The following ARHGEF28 variants were observed in gnomAD, a reference collection of about 807,000 sequenced individuals.
ARHGEF28 encodes the protein Rho guanine nucleotide exchange factor 28, also known as 190 kDa guanine nucleotide exchange factor.
A neutral mutation model predicts 206.6 loss-of-function variants in ARHGEF28; 152 were observed. The ratio of observed to expected loss-of-function variants is 0.74; its 90% CI spans 0.64 to 0.84. The LOEUF (loss-of-function observed/expected upper bound fraction) is 0.84. ARHGEF28 is among the 40% of genes least tolerant of loss of function. The probability of loss-of-function intolerance (pLI) is 0.00; values close to 1 mark genes in which losing one functional copy is unlikely to be tolerated. For synonymous variants in ARHGEF28, 763 were observed against 776.4 expected (o/e 0.98, Z 0.29); for missense variants, 2,028 against 2,073.2 (o/e 0.98, Z 0.42).
chr5:73,916,492 C>A (rs533757736), intron 35 of ARHGEF28, among the ~76,000 whole-genome samples: 1 of 152,118 alleles, frequency 6.6e-6, no homozygotes, highest in Admixed American at 6.6e-5. Context: ...TGGTTTCTTC[C>A]GAGGCCTCTC....
In ARHGEF28 at chr5:73,892,250, A is replaced by G. The variant is rs1369838443; in HGVS notation, c.3566+20A>G. 4 of 1,551,524 alleles carry G rather than the reference A, an allele frequency of 2.6e-6. No individual in the cohort carries two copies. Among genetic ancestry groups the G allele is most frequent in the East Asian group, 2.4e-5 (1 of 41,226 alleles). ...AGAAAGGTAACATTTCCTTCCGTCC[A>G]TAATCTATGGAACAGAGTTGTTCAA... On this transcript the variant is annotated intron_variant, in intron 27 of 35. Coordinates refer to ENST00000513042, the MANE Select transcript of ARHGEF28 (RefSeq NM_001177693.2).
intron 24 of ARHGEF28, 101 bp from the exon 25 acceptor site, chr5:73,885,749 T>G: frequency 8.2e-7 from 1 of 1,217,344 alleles, no homozygotes; most frequent in Non-Finnish European, 1.1e-6. Flanking sequence ...GTTTAGATGA[T>G]ACATTTAACT....
Position 73,909,601 on chromosome 5 carries a change from C to T in ARHGEF28, c.4351C>T (p.Gln1451Ter). The T allele has an allele frequency of 2.6e-6, 4 of 1,555,372 alleles. No individual in the cohort carries two copies. The highest frequency in any genetic ancestry group is 3.5e-6 in the Non-Finnish European group (4 of 1,149,848). Residue 1451 changes from glutamine (Q) to a stop codon, truncating the protein, a stop_gained, in exon 34 of 36, where the codon CAG becomes TAG. Coordinates refer to ENST00000513042, the MANE Select transcript of ARHGEF28 (RefSeq NM_001177693.2). LOFTEE classifies it high-confidence loss of function. ...GCTTCAGCACCAGCTCCAGCAGGAG[C>T]AGCGGCGCTGGCTGCGCAGGTGTGA... The part of the protein sequence containing the change: ...HQLQHQLQQE[Q>*]RRWLRRCEQQ...
chr5:73,880,129 T>C (rs1275917035), intron 22 of ARHGEF28, among the ~76,000 whole-genome samples: 1 of 152,126 alleles, frequency 6.6e-6, no homozygotes, highest in East Asian at 1.9e-4. Context: ...GCCTGGGCAA[T>C]GGCGGGCGCC....
At chr5:73,729,684 T>C (rs73762182) in intron 2 of ARHGEF28, among the ~76,000 whole-genome samples, 3,251 of 152,306 alleles carry the variant, frequency 0.021, 109 homozygotes, top group African/African-American at 0.074. Flanking sequence ...CAGCTTCTTT[T>C]GATATTATGG....
intron 18 of ARHGEF28, among the ~76,000 whole-genome samples, chr5:73,866,421 T>C (rs1417417108): frequency 1.3e-5 from 2 of 152,252 alleles, no homozygotes; most frequent in Non-Finnish European, 2.9e-5. Flanking sequence ...AATATATTTG[T>C]CTATACAGAT....
intron 1 of ARHGEF28, among the ~76,000 whole-genome samples, chr5:73,680,708 A>G (rs1432552916): frequency 6.6e-6 from 1 of 152,186 alleles, no homozygotes; most frequent in Non-Finnish European, 1.5e-5. Flanking sequence ...ATATTTTATC[A>G]GATAAAATCT....
intron 22 of ARHGEF28, among the ~76,000 whole-genome samples, chr5:73,876,679 C>T (rs1444422693): frequency 1.3e-5 from 2 of 150,762 alleles, no homozygotes; most frequent in African/African-American, 2.4e-5. Flanking sequence ...TTGAGATAAT[C>T]GTGTGGTTTT....
At position 73,915,146 on chromosome 5, in the gene ARHGEF28, TG is replaced by T. The variant is rs372697544; in HGVS notation, c.4948+3573del. Reference sequence around the variant, plus strand: ...TTAAGGACCAGGTTTTTGTTTTTATTGGTTTTTTTTTCTCCCCTCCTTCCCT... The same window carrying T: ...TTAAGGACCAGGTTTTTGTTTTTATTGTTTTTTTTTCTCCCCTCCTTCCCT... On this transcript the variant is annotated intron_variant, in intron 35 of 35. Transcript: ENST00000513042. 9.6e-3 allele frequency among the ~76,000 whole-genome samples: 1,461 copies of T among 152,096 alleles called. 10 individuals carry two copies. The highest frequency in any genetic ancestry group is 0.024 in the African/African-American group (978 of 41,522).
chr5:73,809,504 T>G (rs528520422), intron 9 of ARHGEF28, among the ~76,000 whole-genome samples: 6 of 152,350 alleles, frequency 3.9e-5, no homozygotes, highest in African/African-American at 1.4e-4. Context: ...GATTTTTCTT[T>G]TTAGCTTGTG....
At chr5:73,674,500 T>G (rs775346323) in intron 1 of ARHGEF28, among the ~76,000 whole-genome samples, 1 of 152,222 alleles carries the variant, frequency 6.6e-6, no homozygotes, top group Non-Finnish European at 1.5e-5. Context: ...ATAGCAGGTA[T>G]GATATTGTGA....
intron 1 of ARHGEF28, among the ~76,000 whole-genome samples, chr5:73,651,017 C>T (rs1255167137): frequency 6.6e-6 from 1 of 152,212 alleles, no homozygotes; most frequent in Non-Finnish European, 1.5e-5. Flanking sequence ...GACCAAAGTA[C>T]TTTCAAAAGA....
At chr5:73,725,226 G>A (rs999839989) in intron 2 of ARHGEF28, among the ~76,000 whole-genome samples, 1 of 152,152 alleles carries the variant, frequency 6.6e-6, no homozygotes, top group Non-Finnish European at 1.5e-5. Flanking sequence ...AATGATAGGA[G>A]TATCATAAAC....
intron 2 of ARHGEF28, among the ~76,000 whole-genome samples, chr5:73,713,271 C>G (rs1406504455): frequency 6.6e-6 from 1 of 152,204 alleles, no homozygotes; most frequent in Non-Finnish European, 1.5e-5. Flanking sequence ...CAACCATTCT[C>G]CTAGGTCTTC....
chr5:73,643,742 G>C (rs1366580946), intron 1 of ARHGEF28, among the ~76,000 whole-genome samples: 1 of 151,220 alleles, frequency 6.6e-6, no homozygotes, highest in Non-Finnish European at 1.5e-5. Context: ...TTGCACCCAG[G>C]AGGCCAAGGC....
chr5:73,725,223 G>C (rs1021123288), intron 2 of ARHGEF28, among the ~76,000 whole-genome samples: 6 of 152,232 alleles, frequency 3.9e-5, no homozygotes, highest in African/African-American at 1.4e-4. Context: ...TTTAATGATA[G>C]GAGTATCATA....
intron 35 of ARHGEF28, among the ~76,000 whole-genome samples, chr5:73,926,875 G>A (rs1763843597): frequency 6.6e-6 from 1 of 152,308 alleles, no homozygotes; most frequent in East Asian, 1.9e-4. Flanking sequence ...GTATGTAGTG[G>A]CCCTCAGCAG....
At chr5:73,793,240 A>ATC (rs1754590584) in intron 7 of ARHGEF28, among the ~76,000 whole-genome samples, 1 of 152,196 alleles carries the variant, frequency 6.6e-6, no homozygotes, top group Admixed American at 6.5e-5. Context: ...CAAGACAAGG[A>ATC]TTGTTGGTTT....
intron 1 of ARHGEF28, among the ~76,000 whole-genome samples, chr5:73,660,077 G>T (rs541407812): frequency 2.6e-5 from 4 of 152,256 alleles, no homozygotes; most frequent in African/African-American, 9.6e-5. Flanking sequence ...GTTTGAAATA[G>T]CATTTTATTC....
Sources: gnomAD v4.1 joint callset for allele counts (sites outside exome capture counted in the v4.1 genomes callset) on GRCh38, gnomAD v4.1.1 for gene constraint, MANE v1.5 for transcripts, NCBI Gene and HGNC (gene_info 2026-07-23, HGNC 2026-07-21) for gene names.